The following ITGAV variants were observed in gnomAD, a reference collection of about 807,000 sequenced individuals.
ITGAV encodes the protein integrin subunit alpha V.
A neutral mutation model predicts 143.8 loss-of-function variants in ITGAV; 76 were observed. That is an observed-to-expected ratio of 0.53 (90% CI 0.44 to 0.64). The LOEUF is 0.64. Among genes scored for constraint, ITGAV ranks in the 30% least tolerant of loss-of-function variants. ITGAV has a pLI of 0.00. For synonymous variants in ITGAV, 453 were observed against 446.7 expected, an observed-to-expected ratio of 1.01 and a Z score of -0.18; for missense variants, 1,193 against 1,274.7, an observed-to-expected ratio of 0.94 and a Z score of 0.98.
intron 23 of ITGAV, 55 bp from the exon 24 acceptor site, chr2:186,667,616 G>T: frequency 2.2e-6 from 2 of 920,956 alleles, no homozygotes; most frequent in South Asian, 1.8e-5. Context: ...TTTTGAAAAT[G>T]AACTGACTAT....
At chr2:186,675,124 T>A (rs952255209) in intron 26 of ITGAV, among the ~76,000 whole-genome samples, 1 of 152,222 alleles carries the variant, frequency 6.6e-6, no homozygotes, top group Admixed American at 6.5e-5. Context: ...TCGAAGTTAC[T>A]GATTAAAACA....
At position 186,652,155 on chromosome 2, in the gene ITGAV, A is replaced by G. The variant is rs1373884439; in HGVS notation, c.1505+66A>G. The G allele has an allele frequency of 4.1e-6, 4 of 982,024 alleles. No homozygotes were observed. The African/African-American group carries it at 6.4e-5, about 16-fold the overall frequency. The allele number at this position is 982,024 out of a possible 1,614,324, so 60.8% of individuals were successfully genotyped here. A position where few individuals can be genotyped will look rare whatever the true frequency, so the allele number is the denominator to read the frequency against. ...TGTTCAGGCATTGTAAGAACAATTG[A>G]AAATGAAGGTGGTAGGGCTGAAATA... On this transcript the variant is annotated intron_variant, in intron 15 of 29. Transcript: ENST00000261023.
chr2:186,656,845 T>C (rs1688603706), intron 17 of ITGAV, among the ~76,000 whole-genome samples: 1 of 152,152 alleles, frequency 6.6e-6, no homozygotes, highest in East Asian at 1.9e-4. Flanking sequence ...ATTCCGACAG[T>C]TGTATAAGGC....
intron 18 of ITGAV, among the ~76,000 whole-genome samples, chr2:186,662,402 T>C (rs1424405399): frequency 6.6e-6 from 1 of 152,156 alleles, no homozygotes; most frequent in Non-Finnish European, 1.5e-5. Flanking sequence ...CTTTGTCCAA[T>C]ATATAGCCAC....
At chr2:186,597,405 G>A (rs555632241) in intron 1 of ITGAV, among the ~76,000 whole-genome samples, 3 of 152,276 alleles carry the variant, frequency 2.0e-5, no homozygotes, top group Admixed American at 6.5e-5. Flanking sequence ...GGGTTCAGAC[G>A]TAGTGGAAAT....
intron 2 of ITGAV, among the ~76,000 whole-genome samples, chr2:186,621,972 T>C (rs182621277): frequency 1.3e-5 from 2 of 152,346 alleles, no homozygotes; most frequent in Admixed American, 6.5e-5. Flanking sequence ...CATTTAATTT[T>C]CATAATTATC....
At chr2:186,639,215 A>C (rs1688037089) in intron 10 of ITGAV, among the ~76,000 whole-genome samples, 1 of 152,210 alleles carries the variant, frequency 6.6e-6, no homozygotes, top group African/African-American at 2.4e-5. Context: ...TGTCTCAAAG[A>C]ATTATACCAT....
chr2:186,625,196 G>C (rs1174878226), intron 3 of ITGAV, among the ~76,000 whole-genome samples: 2 of 152,008 alleles, frequency 1.3e-5, no homozygotes, highest in Non-Finnish European at 2.9e-5. Flanking sequence ...AACATAGTGA[G>C]ACCCCGTTTC....
chr2:186,640,045 T>C (rs921829629), intron 10 of ITGAV, among the ~76,000 whole-genome samples: 1 of 152,246 alleles, frequency 6.6e-6, no homozygotes, highest in Non-Finnish European at 1.5e-5. Context: ...TCATTCTCCC[T>C]TGATATCTGA....
rs1689328291 is a variant in ITGAV, at chr2:186,680,723, A to C, written c.*3431A>C. 1 of 152,608 alleles carries C rather than the reference A, an allele frequency of 6.6e-6. No homozygotes were observed. The highest frequency in any genetic ancestry group is 1.5e-5 in the Non-Finnish European group (1 of 68,000). The allele number at this position is 152,608 out of a possible 1,614,324, so 9.5% of individuals were successfully genotyped here. On this transcript the variant is annotated 3_prime_UTR_variant, in exon 30 of 30. Transcript: ENST00000261023. ...AGTATATCAAATTAATTTGCTACCT[A>C]ATAACATAGAAAGTAAATATCTTTG...
At chr2:186,671,285 C>A (rs1010082473) in intron 26 of ITGAV, among the ~76,000 whole-genome samples, 1 of 152,096 alleles carries the variant, frequency 6.6e-6, no homozygotes, top group Non-Finnish European at 1.5e-5. Flanking sequence ...ACCTTTAAGC[C>A]CAACATCAAC....
chr2:186,663,422 G>A (rs567404262), intron 18 of ITGAV, among the ~76,000 whole-genome samples: 39 of 152,224 alleles, frequency 2.6e-4, no homozygotes, highest in African/African-American at 8.4e-4. Context: ...TAGCAGCAGG[G>A]TAAAAATGAA....
chr2:186,633,530 A>G (rs1302109620), intron 6 of ITGAV, among the ~76,000 whole-genome samples, 156 bp downstream of exon 6: 1 of 150,788 alleles, frequency 6.6e-6, no homozygotes, highest in Non-Finnish European at 1.5e-5. Flanking sequence ...TGTTTTTTAA[A>G]AGAATATATA....
chr2:186,646,768 C>T lies in ITGAV; in HGVS notation c.1242C>T (p.Asn414=), dbSNP rs200418625. The T allele has an allele frequency of 3.5e-5, 57 of 1,613,054 alleles. No homozygotes were observed. In the African/African-American group the frequency reaches 5.7e-4, roughly 16 times the overall value. Residue 414 remains asparagine, a synonymous_variant, in exon 13 of 30, where the codon AAC becomes AAT. Transcript: ENST00000261023. ...YIFNGRSTGL[N]AVPSQILEGQ... ...TCAATGGAAGATCAACAGGCTTGAA[C>T]GCAGTCCCATCTCAAATCCTTGAAG...
rs1689319321 is a variant in ITGAV at position 186,680,365 on chromosome 2, T to C, written c.*3073T>C. The stretch of plus-strand genomic sequence containing the variant: ...TTGGCTGGTTTGAACGATAGAAATA[T>C]GCAGCATGCAATATATGCTTATATT... On this transcript the variant is annotated 3_prime_UTR_variant, in exon 30 of 30. Transcript: ENST00000261023. The C allele has an allele frequency of 1.3e-5, 2 of 152,572 alleles. No homozygotes were observed. The highest frequency in any genetic ancestry group is 2.9e-5 in the Non-Finnish European group (2 of 67,992). The allele number at this position is 152,572 out of a possible 1,614,324, so 9.5% of individuals were successfully genotyped here.
rs1435827435 is a variant in ITGAV at position 186,590,139 on chromosome 2, G to T, written c.-200G>T. On this transcript the variant is annotated 5_prime_UTR_variant, in exon 1 of 30. Transcript: ENST00000261023. ...CTGCGCTGCTGTCCCCGCCCCGCGCGCTCTGCGCCCCTCGTCCCTGGCGGT... is the reference window on the plus strand; with the variant it reads ...CTGCGCTGCTGTCCCCGCCCCGCGCTCTCTGCGCCCCTCGTCCCTGGCGGT... 2.3e-6 allele frequency: 1 copy of T among 437,072 alleles called. No individual in the cohort carries two copies. The highest frequency in any genetic ancestry group is 3.9e-6 in the Non-Finnish European group (1 of 255,070). The allele number at this position is 437,072 out of a possible 1,614,324, so 27.1% of individuals were successfully genotyped here. A position where few individuals can be genotyped will look rare whatever the true frequency, so the allele number is the denominator to read the frequency against.
chr2:186,643,566 GTATTCCTATA>G (rs1311205064), intron 12 of ITGAV, among the ~76,000 whole-genome samples: 2 of 152,244 alleles, frequency 1.3e-5, no homozygotes, highest in East Asian at 3.9e-4. Flanking sequence ...CATTGTTCCT[GTATTCCTATA>G]TTCCTCTCTT....
At chr2:186,635,177 G>A (rs754552670) in intron 6 of ITGAV, among the ~76,000 whole-genome samples, 1 of 152,092 alleles carries the variant, frequency 6.6e-6, no homozygotes. Flanking sequence ...ATAGTATTTT[G>A]TTTTAATAAG....
Position 186,616,291 on chromosome 2 carries a change from T to A in ITGAV, c.317-6048T>A, listed in dbSNP as rs866143731. 2.8e-3 allele frequency among the ~76,000 whole-genome samples: 407 copies of A among 145,474 alleles called. 1 individual carries two copies. The highest frequency in any genetic ancestry group is 1.0e-2 in the African/African-American group (393 of 39,428). ...ATACCTTATTTTTTTTTTTTTTTTT[T>A]TTTTTGAGACGGAGTCTCGCTCTGT... On this transcript the variant is annotated intron_variant, in intron 2 of 29. Transcript: ENST00000261023.
Sources: allele counts gnomAD v4.1 joint callset (sites outside exome capture counted in the v4.1 genomes callset), GRCh38; gene constraint gnomAD v4.1.1; transcripts MANE v1.5; gene names NCBI Gene and HGNC (gene_info 2026-07-23, HGNC 2026-07-21).